CASZ1: variants seen among roughly 807,000 people sequenced by gnomAD.
CASZ1 encodes zinc finger protein castor homolog 1.
Under a neutral mutation model 135.2 loss-of-function variants are expected in CASZ1, and 28 were observed. That is an observed-to-expected ratio of 0.21 (90% CI 0.15 to 0.28). CASZ1 has a LOEUF of 0.28. Ranked by LOEUF, CASZ1 falls within the 10% of genes least tolerant of loss-of-function variation. The pLI is 1.00. For synonymous variants in CASZ1, 1,068 were observed against 1,073.4 expected (o/e 0.99, Z 0.10); for missense variants, 2,161 against 2,453.3 (o/e 0.88, Z 2.52).
chr1:10,660,754 A>G, intron 5 of CASZ1: 1 of 559,366 alleles, frequency 1.8e-6, no homozygotes, highest in Non-Finnish European at 3.1e-6. Flanking sequence ...AAATAAAACG[A>G]GTTCATCAAT....
At chr1:10,789,128 C>T (rs1640909816) in intron 1 of CASZ1, among the ~76,000 whole-genome samples, 1 of 152,112 alleles carries the variant, frequency 6.6e-6, no homozygotes, top group African/African-American at 2.4e-5. Flanking sequence ...ACATGGCGCC[C>T]AGGAGAAAGC....
chr1:10,639,646 C>T lies in CASZ1; in HGVS notation c.4576G>A (p.Asp1526Asn), dbSNP rs1642131653. The T allele has an allele frequency of 2.5e-6, 4 of 1,606,202 alleles. No individual in the cohort carries two copies. Among genetic ancestry groups the T allele is most frequent in the Non-Finnish European group, 3.4e-6 (4 of 1,178,148 alleles). The change falls in exon 21 of 21, where the codon GAC becomes AAC. Residue 1526 changes from aspartate (D) to asparagine (N), a missense_variant. This residue lies in a region of CASZ1 where 240 missense variants were observed against 321.4 expected (regional missense o/e 0.75). Coordinates refer to ENST00000377022, the MANE Select transcript of CASZ1 (RefSeq NM_001079843.3). The surrounding 1 kb of genome is among the most constrained non-coding windows in gnomAD (Gnocchi z 4.0). Reference protein sequence around the residue: ...HCLRCRFRCTDSTKVTAHRKH... With the variant: ...HCLRCRFRCTNSTKVTAHRKH... ...CGATGCGCCGTGACCTTGGTGCTGT[C>T]GGTGCAGCGGAAGCGGCAGCGCAGG...
At chr1:10,779,518 G>A (rs1006033916) in intron 1 of CASZ1, among the ~76,000 whole-genome samples, 13 of 152,006 alleles carry the variant, frequency 8.6e-5, no homozygotes, top group Non-Finnish European at 1.3e-4. Context: ...GCTCCCTGCC[G>A]GGCCGACACG....
rs1471323709 is a variant in CASZ1, at chr1:10,756,490, C to G, written c.-77+4211G>C. ...ACAGCTTCACGCTCGCCAACCAGGC[C>G]TCTGGCTTGCTCCAGGGCTACAGGG... is the stretch of plus-strand genomic sequence containing the variant. On this transcript the variant is annotated intron_variant, in intron 2 of 20. Coordinates refer to ENST00000377022, the MANE Select transcript of CASZ1 (RefSeq NM_001079843.3). This position sits in a 1 kb window ranked among gnomAD's most constrained non-coding sequence, Gnocchi z 5.9. Among the ~76,000 whole-genome samples, 12 of 152,262 alleles carry G rather than the reference C, an allele frequency of 7.9e-5. No homozygotes were observed.
chr1:10,646,109 C>G lies in CASZ1; in HGVS notation c.3696+19G>C, dbSNP rs1255871093. On this transcript the variant is annotated intron_variant, in intron 17 of 20. Transcript: ENST00000377022. The surrounding 1 kb of genome is among the most constrained non-coding windows in gnomAD (Gnocchi z 6.4). ...CCTGCCCCCTACTCTGCCCCTGCGC[C>G]GTGTACCGCCATGCTGACCTGGTTG... 1.9e-6 allele frequency: 3 copies of G among 1,612,874 alleles called. No individual in the cohort carries two copies. Among genetic ancestry groups the G allele is most frequent in the South Asian group, 2.2e-5 (2 of 91,004 alleles).
chr1:10,690,599 G>A lies in CASZ1; in HGVS notation c.16+3275C>T, dbSNP rs1466570671. 5.3e-5 allele frequency among the ~76,000 whole-genome samples: 8 copies of A among 152,266 alleles called. No homozygotes were observed. The East Asian group carries it at 5.8e-4, about 11-fold the overall frequency. ...CCCCAGAAGGAGAAAGAAACCGGCC[G>A]GGCTTCCTCCCATTGACCCGCCTCG... On this transcript the variant is annotated intron_variant, in intron 4 of 20. Transcript: ENST00000377022.
At chr1:10,678,280 G>A (rs1277368751) in intron 4 of CASZ1, among the ~76,000 whole-genome samples, 1 of 152,230 alleles carries the variant, frequency 6.6e-6, no homozygotes, top group Non-Finnish European at 1.5e-5. Flanking sequence ...TAATTTAGGA[G>A]TATTTTTAAA....
At chr1:10,668,142 G>A (rs897137254) in intron 4 of CASZ1, among the ~76,000 whole-genome samples, 5 of 152,158 alleles carry the variant, frequency 3.3e-5, no homozygotes, top group Admixed American at 2.6e-4. Context: ...TTGTAAGTGC[G>A]AGCGCGTGTG....
chr1:10,649,609 A>G, intron 13 of CASZ1, 172 bp from the exon 14 acceptor site: 2 of 727,252 alleles, frequency 2.8e-6, no homozygotes, highest in Non-Finnish European at 4.4e-6. Context: ...CTCTCTGAAC[A>G]GAGAGCCTGC....
At chr1:10,753,241 C>G (rs138715376) in intron 2 of CASZ1, among the ~76,000 whole-genome samples, 1 of 152,300 alleles carries the variant, frequency 6.6e-6, no homozygotes, top group East Asian at 1.9e-4. Context: ...CAGGGGGGTA[C>G]AGTTCCTACG....
chr1:10,737,794 C>T (rs1340685952), intron 2 of CASZ1, among the ~76,000 whole-genome samples: 2 of 152,194 alleles, frequency 1.3e-5, no homozygotes, highest in Non-Finnish European at 2.9e-5. Context: ...CCGAGGTGCT[C>T]GGAGGGCTGT....
In CASZ1 at chr1:10,660,097, G is replaced by A. The variant is rs1642965157; in HGVS notation, c.945C>T (p.Phe315=). 6 of 1,614,150 alleles carry A rather than the reference G, an allele frequency of 3.7e-6. No individual in the cohort carries two copies. In the East Asian group the frequency reaches 1.3e-4, roughly 36 times the overall value. The change falls in exon 6 of 21, where the codon TTC becomes TTT. Residue 315 remains phenylalanine (F), a synonymous_variant. Coordinates refer to ENST00000377022, the MANE Select transcript of CASZ1 (RefSeq NM_001079843.3). ...LVARASKYDF[F]IQKLKTGENL... ...TCTCGCCGGTCTTCAGTTTTTGGAT[G>A]AAGAAGTCGTACTTGGAGGCCCGGG...
Position 10,694,243 on chromosome 1 carries a change from T to G in CASZ1, c.-23-331A>C. ...CCGCCGACCGCGCCCCGCGCCCGGG[T>G]CGCCGCCCGAGACCGCGGCCCCCGG... On this transcript the variant is annotated intron_variant, in intron 3 of 20. Coordinates refer to ENST00000377022, the MANE Select transcript of CASZ1 (RefSeq NM_001079843.3). This position sits in a 1 kb window ranked among gnomAD's most constrained non-coding sequence, Gnocchi z 6.6. 1.3e-6 allele frequency: 1 copy of G among 795,646 alleles called. No individual in the cohort carries two copies. The highest frequency in any genetic ancestry group is 1.5e-6 in the Non-Finnish European group (1 of 657,736). 49.3% of individuals were successfully genotyped at this position (795,646 alleles called of 1,614,324 possible).
intron 2 of CASZ1, among the ~76,000 whole-genome samples, chr1:10,732,633 C>T (rs957255504): frequency 1.3e-5 from 2 of 152,044 alleles, no homozygotes; most frequent in South Asian, 4.1e-4. Flanking sequence ...GGATGGTGAC[C>T]CTGGGATGCA....
In CASZ1 at chr1:10,711,425, G is replaced by A. The variant is rs898934429; in HGVS notation, c.-76-5881C>T. 6.6e-6 allele frequency among the ~76,000 whole-genome samples: 1 copy of A among 152,118 alleles called. No homozygotes were observed. ...GAGCTTCCATTCCTGTGCTGTTGAG[G>A]ACTCGCGGAAATAATGGTTAGCACA... On this transcript the variant is annotated intron_variant, in intron 2 of 20. Transcript: ENST00000377022. This position sits in a 1 kb window ranked among gnomAD's most constrained non-coding sequence, Gnocchi z 4.4.
In CASZ1 at chr1:10,788,059, G is replaced by GC. The variant is rs1640890418; in HGVS notation, c.-234+8504dup. On this transcript the variant is annotated intron_variant, in intron 1 of 20. Transcript: ENST00000377022. The surrounding 1 kb of genome is among the most constrained non-coding windows in gnomAD (Gnocchi z 4.1). ...AAACATGACCTTGCCTAAGACCGTT[G>GC]CTCAAACATCTTAGAATCCCAGAGA... is the stretch of plus-strand genomic sequence containing the variant. Among the ~76,000 whole-genome samples, 1 of 152,172 alleles carries GC rather than the reference G, an allele frequency of 6.6e-6. No individual in the cohort carries two copies. The highest frequency in any genetic ancestry group is 1.5e-5 in the Non-Finnish European group (1 of 68,046).
chr1:10,787,963 T>C (rs1640888828), intron 1 of CASZ1, among the ~76,000 whole-genome samples: 1 of 152,182 alleles, frequency 6.6e-6, no homozygotes, highest in East Asian at 1.9e-4. Flanking sequence ...TTTAAAACTA[T>C]GATAAGTCCA....
chr1:10,660,594 C>A (rs758308884), intron 5 of CASZ1, 58 bp from the exon 6 acceptor site: 7 of 1,494,130 alleles, frequency 4.7e-6, no homozygotes, highest in East Asian at 4.7e-5. Flanking sequence ...GACAGGAGGT[C>A]CCCCCACTGG....
chr1:10,749,680 A>G (rs1313002026), intron 2 of CASZ1, among the ~76,000 whole-genome samples: 2 of 152,238 alleles, frequency 1.3e-5, no homozygotes, highest in African/African-American at 4.8e-5. Context: ...GGGGCCTCTT[A>G]ATCTAGACAA....
Sources: allele counts gnomAD v4.1 joint callset (sites outside exome capture counted in the v4.1 genomes callset), GRCh38; gene constraint gnomAD v4.1.1; regional missense constraint gnomAD v4.1.1; non-coding constraint Gnocchi (gnomAD v3.1); transcripts MANE v1.5; gene names NCBI Gene and HGNC (gene_info 2026-07-23, HGNC 2026-07-21).